Variants in CORO7 observed in about 807,000 individuals in gnomAD.
The protein encoded by CORO7 is coronin 7.
A neutral mutation model predicts 126.6 loss-of-function variants in CORO7; 107 were observed. The ratio of observed to expected loss-of-function variants is 0.85; its 90% CI spans 0.72 to 0.99. The LOEUF (loss-of-function observed/expected upper bound fraction) is 0.99, where lower values mean the gene tolerates loss of function less well. Ranked by LOEUF, CORO7 falls within the 50% of genes least tolerant of loss-of-function variation. The probability of loss-of-function intolerance (pLI) is 0.00; values close to 1 mark genes in which losing one functional copy is unlikely to be tolerated. For synonymous variants in CORO7, 603 were observed against 536.8 expected (o/e 1.12, Z -1.70); for missense variants, 1,314 against 1,255.8 (o/e 1.05, Z -0.70).
rs774496830 is a variant in CORO7 at position 4,415,930 on chromosome 16, C to A, written c.60+529G>T. ...TTGCGCCAGCGGCGAGAGGAGGAAG[C>A]ACCGGCGGAAACCCGAGGGAGGGGC... On this transcript the variant is annotated intron_variant, in intron 1 of 27. Coordinates refer to ENST00000251166, the MANE Select transcript of CORO7 (RefSeq NM_024535.5). 199 of 983,604 alleles carry A rather than the reference C, an allele frequency of 2.0e-4. 1 individual carries two copies. Among genetic ancestry groups the A allele is most frequent in the East Asian group, 1.1e-4 (1 of 8,826 alleles). The allele number at this position is 983,604 out of a possible 1,614,324, so 60.9% of individuals were successfully genotyped here. A position where few individuals can be genotyped will look rare whatever the true frequency, so the allele number is the denominator to read the frequency against.
intron 19 of CORO7, among the ~76,000 whole-genome samples, 164 bp downstream of exon 19, chr16:4,360,779 T>C (rs2054146430): frequency 1.1e-5 from 1 of 89,214 alleles, no homozygotes; most frequent in Admixed American, 1.4e-4. Context: ...CTGCCCCTCC[T>C]CACCACTGGC....
In CORO7 at chr16:4,388,574, C is replaced by T. The variant is rs755221296; in HGVS notation, c.673G>A (p.Glu225Lys). ...DSRLAWMGTW[E>K]HLVSTGFNQM... ...TTGAATCCAGTAGACACAAGGTGCT[C>T]CCAGGTGCCCATCCATGCCAGCCGG... is the stretch of plus-strand genomic sequence containing the variant. The change falls in exon 8 of 28, where the codon GAG (glutamate) becomes AAG (lysine). Residue 225 changes from glutamate to lysine, a missense_variant. Physicochemically the swap from Glu to Lys is moderately conservative, Grantham distance 56 (BLOSUM62 1). Transcript: ENST00000251166. 20 of 1,612,958 alleles carry T rather than the reference C, an allele frequency of 1.2e-5. No homozygotes were observed. The highest frequency in any genetic ancestry group is 1.6e-5 in the Non-Finnish European group (19 of 1,179,844).
chr16:4,407,516 G>A lies in CORO7; in HGVS notation c.472C>T (p.Gln158Ter). 5 of 1,569,878 alleles carry A rather than the reference G, an allele frequency of 3.2e-6. No homozygotes were observed. The highest frequency in any genetic ancestry group is 1.2e-5 in the South Asian group (1 of 85,624). ...TGGCCTGTACCTGTCAGGGGCTGCTGCTTGGCTGCGTCCCAGACCTTCACA... is the reference window on the plus strand; with the variant it reads ...TGGCCTGTACCTGTCAGGGGCTGCTACTTGGCTGCGTCCCAGACCTTCACA... ...TTVKVWDAAK[Q>*]QPLTELAAHG... The change falls in exon 5 of 28, where the codon CAG becomes TAG. Residue 158 changes from glutamine (Q) to a stop codon, truncating the protein, a stop_gained. Transcript: ENST00000251166. LOFTEE classifies it high-confidence loss of function.
At chr16:4,387,124 C>T (rs776615517) in intron 9 of CORO7, among the ~76,000 whole-genome samples, 1 of 152,156 alleles carries the variant, frequency 6.6e-6, no homozygotes, top group Non-Finnish European at 1.5e-5. Flanking sequence ...TTTCAGAAGG[C>T]GGATGGAGTC....
chr16:4,376,286 C>A (rs541522593), intron 9 of CORO7, among the ~76,000 whole-genome samples: 3 of 152,206 alleles, frequency 2.0e-5, no homozygotes, highest in Non-Finnish European at 4.4e-5. Flanking sequence ...TGGAGCCAGC[C>A]GTCCTGGCCG....
intron 9 of CORO7, among the ~76,000 whole-genome samples, chr16:4,372,196 C>T (rs1277595995): frequency 2.0e-5 from 3 of 152,094 alleles, no homozygotes; most frequent in African/African-American, 7.2e-5. Context: ...CCGACAGCCC[C>T]GCGGCCGGCC....
chr16:4,361,901 G>A, intron 16 of CORO7, 84 bp downstream of exon 16: 5 of 1,536,856 alleles, frequency 3.3e-6, no homozygotes, highest in Non-Finnish European at 4.4e-6. Flanking sequence ...TGTGCTCCCT[G>A]TGTTGTGTGG....
intron 6 of CORO7, 71 bp from the exon 7 acceptor site, chr16:4,395,410 C>G (rs2055547988): frequency 6.2e-7 from 1 of 1,601,266 alleles, no homozygotes; most frequent in South Asian, 1.1e-5. Context: ...GCCTGCTCCC[C>G]TCACCTCCCA....
chr16:4,384,522 C>T (rs1441948613), intron 9 of CORO7, among the ~76,000 whole-genome samples: 1 of 152,246 alleles, frequency 6.6e-6, no homozygotes, highest in African/African-American at 2.4e-5. Context: ...TCCCACAGGT[C>T]ATGGCCCCGG....
chr16:4,358,981 T>C (rs2054070636), intron 23 of CORO7: 2 of 433,826 alleles, frequency 4.6e-6, no homozygotes, highest in Non-Finnish European at 8.2e-6. Context: ...CTTGCTATGT[T>C]GCCCAGGCTG....
rs2054161657 is a variant in CORO7, at chr16:4,361,050, G to C, written c.1810C>G (p.Pro604Ala). The change falls in exon 19 of 28, where the codon CCA (proline) becomes GCA (alanine). Residue 604 changes from proline (P) to alanine (A), a missense_variant. By Grantham distance (27) the Pro-to-Ala change is conservative. Transcript: ENST00000251166. The part of the protein sequence containing the change: ...TEKICSLRFH[P>A]LAANVLASSS... ...GAGGCCAGCACATTGGCTGCCAGTG[G>C]GTGGAAGCGCAGGGAGCAGATCTTC... 6.2e-7 allele frequency: 1 copy of C among 1,613,282 alleles called. No individual in the cohort carries two copies. The highest frequency in any genetic ancestry group is 1.7e-5 in the Admixed American group (1 of 60,010).
intron 24 of CORO7, 44 bp downstream of exon 24, chr16:4,358,323 C>T (rs775699865): frequency 6.2e-6 from 10 of 1,600,310 alleles, no homozygotes; most frequent in Non-Finnish European, 8.5e-6. Flanking sequence ...CCTCTAGGCA[C>T]CGAGAAGGCG....
chr16:4,367,496 A>G (rs781667321), intron 9 of CORO7, among the ~76,000 whole-genome samples: 3 of 152,202 alleles, frequency 2.0e-5, no homozygotes, highest in South Asian at 2.1e-4. Context: ...TCTGTCCTCA[A>G]GGTGCTCACA....
At position 4,405,583 on chromosome 16, in the gene CORO7, C is replaced by A; in HGVS notation, c.488-16G>T. 1 of 1,611,516 alleles carries A rather than the reference C, an allele frequency of 6.2e-7. No individual in the cohort carries two copies. The highest frequency in any genetic ancestry group is 1.1e-5 in the South Asian group (1 of 90,994). ...GCTGCCAGCTCTGCAGAGAAGCAGT[C>A]ACAGTCAGGTCCCGGGCAGTGAGGG... is the stretch of plus-strand genomic sequence containing the variant. On this transcript the variant is annotated splice_polypyrimidine_tract_variant and intron_variant, in intron 5 of 27. Transcript: ENST00000251166.
At chr16:4,357,348 TTTC>T (rs2054008990) in intron 25 of CORO7, 89 bp from the exon 26 acceptor site, 1 of 1,248,334 alleles carries the variant, frequency 8.0e-7, no homozygotes, top group Non-Finnish European at 1.1e-6. Context: ...CTTTCTTTTC[TTTC>T]TTTCTTTTTT....
At chr16:4,355,656 G>C (rs1330863440) in intron 26 of CORO7, 12 of 383,506 alleles carry the variant, frequency 3.1e-5, no homozygotes, top group Non-Finnish European at 5.3e-5. Context: ...TTTTAGTAGA[G>C]ACGGGGGTTT....
Position 4,361,096 on chromosome 16 carries a change from G to C in CORO7, c.1775-11C>G. On this transcript the variant is annotated splice_polypyrimidine_tract_variant and intron_variant, in intron 18 of 27. Coordinates refer to ENST00000251166, the MANE Select transcript of CORO7 (RefSeq NM_024535.5). ...TCTTCTCCGTGTGGCCTGGAGGAAGGCAGGGGTGATCAGGAGCCCTTGGGA... is the reference window on the plus strand; with the variant it reads ...TCTTCTCCGTGTGGCCTGGAGGAAGCCAGGGGTGATCAGGAGCCCTTGGGA... 1 of 1,613,368 alleles carries C rather than the reference G, an allele frequency of 6.2e-7. No homozygotes were observed. The highest frequency in any genetic ancestry group is 8.5e-7 in the Non-Finnish European group (1 of 1,180,004).
chr16:4,401,266 C>T (rs2055794495), intron 6 of CORO7, among the ~76,000 whole-genome samples: 1 of 152,152 alleles, frequency 6.6e-6, no homozygotes, highest in South Asian at 2.1e-4. Flanking sequence ...TGGTGTGTGG[C>T]GTTGGGGGAG....
chr16:4,361,849 G>T, intron 16 of CORO7, 136 bp downstream of exon 16: 1 of 1,377,128 alleles, frequency 7.3e-7, no homozygotes, highest in Non-Finnish European at 1.0e-6. Context: ...CAGGTGGCTG[G>T]GAGGATCACA....
Sources: gnomAD v4.1 joint callset for allele counts (sites outside exome capture counted in the v4.1 genomes callset) on GRCh38, gnomAD v4.1.1 for gene constraint, MANE v1.5 for transcripts, NCBI Gene and HGNC (gene_info 2026-07-23, HGNC 2026-07-21) for gene names.